The following MAF variants were observed in gnomAD, a reference collection of about 807,000 sequenced individuals.
MAF encodes transcription factor Maf.
MAF carries 10 observed loss-of-function variants against 22.0 expected under a neutral mutation model. The observed-to-expected ratio is 0.45, with a 90% CI of 0.28 to 0.77. MAF has a LOEUF of 0.77. Ranked by LOEUF, MAF falls within the 30% of genes least tolerant of loss-of-function variation. The pLI, the probability that MAF is intolerant of heterozygous loss-of-function variation, is 0.12. For missense variants in MAF, 544 were observed against 548.4 expected, an observed-to-expected ratio of 0.99 and a Z score of 0.08; for synonymous variants, 337 against 255.8, an observed-to-expected ratio of 1.32 and a Z score of -3.03.
At chr16:79,350,606 G>A in the MAF span, among the ~76,000 whole-genome samples, 2 of 152,194 alleles carry the variant, frequency 1.3e-5, no homozygotes, top group Non-Finnish European at 2.9e-5. Flanking sequence ...AAAACCTCCC[G>A]CTGCTTTTCT....
the MAF span, among the ~76,000 whole-genome samples, chr16:79,314,089 C>T: frequency 2.7e-4 from 41 of 152,272 alleles, no homozygotes; most frequent in Admixed American, 1.3e-3. Context: ...ATTCCTAAAA[C>T]GGGGATGCAC....
chr16:79,232,802 C>T, the MAF span, among the ~76,000 whole-genome samples: 1 of 149,906 alleles, frequency 6.7e-6, no homozygotes, highest in Non-Finnish European at 1.5e-5. Context: ...AGTTTAATAA[C>T]AGCTGGAAAA....
the MAF span, among the ~76,000 whole-genome samples, chr16:79,273,472 T>A: frequency 6.6e-6 from 1 of 152,212 alleles, no homozygotes; most frequent in Non-Finnish European, 1.5e-5. Flanking sequence ...ATGTTTCAGT[T>A]CTAGAAGTCA....
chr16:79,600,072 AC>A lies in MAF; in HGVS notation c.-171del, dbSNP rs554070629. On this transcript the variant is annotated 5_prime_UTR_variant, in exon 1 of 2. Coordinates refer to ENST00000326043, the MANE Select transcript of MAF (RefSeq NM_005360.5). ...AACCTCCGAGCGCGCTCACACACAC[AC>A]CCCCCCGCCCTGCCCGCGCCCCCCG... 20 of 746,520 alleles carry A rather than the reference AC, an allele frequency of 2.7e-5. No homozygotes were observed. Among genetic ancestry groups the A allele is most frequent in the East Asian group, 5.8e-5 (2 of 34,230 alleles). 46.2% of individuals were successfully genotyped at this position (746,520 alleles called of 1,614,324 possible). A position where few individuals can be genotyped will look rare whatever the true frequency, so the allele number is the denominator to read the frequency against.
chr16:79,497,944 G>A, the MAF span, among the ~76,000 whole-genome samples: 3 of 152,138 alleles, frequency 2.0e-5, no homozygotes, highest in African/African-American at 7.2e-5. Context: ...AGCTCTCCCA[G>A]TTCTAGAGAC....
the MAF span, among the ~76,000 whole-genome samples, chr16:79,226,525 TA>T: frequency 9.9e-5 from 15 of 152,042 alleles, no homozygotes; most frequent in Admixed American, 5.9e-4. Flanking sequence ...TTAAAGTATA[TA>T]AAAAAATTTA....
the MAF span, among the ~76,000 whole-genome samples, chr16:79,293,537 T>C: frequency 1.3e-5 from 2 of 152,208 alleles, no homozygotes; most frequent in Non-Finnish European, 2.9e-5. Flanking sequence ...GATCAATGTT[T>C]GTCAAATGAG....
At chr16:79,573,541 T>C in the MAF span, among the ~76,000 whole-genome samples, 1 of 152,262 alleles carries the variant, frequency 6.6e-6, no homozygotes, top group Non-Finnish European at 1.5e-5. Context: ...TTAACTGTCT[T>C]AATCAATAAT....
At chr16:79,562,527 A>C in the MAF span, among the ~76,000 whole-genome samples, 140 of 152,202 alleles carry the variant, frequency 9.2e-4, 1 homozygote, top group African/African-American at 3.3e-3. Flanking sequence ...CAGACCACAA[A>C]ACATTTCTTT....
At chr16:79,572,684 T>C in the MAF span, among the ~76,000 whole-genome samples, 1 of 152,182 alleles carries the variant, frequency 6.6e-6, no homozygotes, top group Admixed American at 6.5e-5. Context: ...CAGCCTCCTG[T>C]TTTCACGCCT....
chr16:79,458,658 A>T, the MAF span, among the ~76,000 whole-genome samples: 1 of 152,184 alleles, frequency 6.6e-6, no homozygotes, highest in Non-Finnish European at 1.5e-5. Context: ...CCTTTTACAT[A>T]AAAAAGTGGT....
the MAF span, among the ~76,000 whole-genome samples, chr16:79,427,906 A>G: frequency 6.6e-6 from 1 of 152,042 alleles, no homozygotes; most frequent in Non-Finnish European, 1.5e-5. Flanking sequence ...GGGGATGCTT[A>G]ACAGATACAA....
chr16:79,280,205 G>A, the MAF span, among the ~76,000 whole-genome samples: 1 of 152,188 alleles, frequency 6.6e-6, no homozygotes, highest in Non-Finnish European at 1.5e-5. Flanking sequence ...TTGGTTAACC[G>A]GGCTTGCAGC....
the MAF span, among the ~76,000 whole-genome samples, chr16:79,496,937 T>C: frequency 6.6e-6 from 1 of 152,228 alleles, no homozygotes; most frequent in Non-Finnish European, 1.5e-5. Flanking sequence ...GCAGTGGGCC[T>C]GAGAATATTG....
chr16:79,437,955 G>A, the MAF span, among the ~76,000 whole-genome samples: 1 of 152,204 alleles, frequency 6.6e-6, no homozygotes, highest in Non-Finnish European at 1.5e-5. Flanking sequence ...GCTTCTAGGA[G>A]GCCTGTTTGT....
At chr16:79,383,446 A>G in the MAF span, among the ~76,000 whole-genome samples, 1 of 152,228 alleles carries the variant, frequency 6.6e-6, no homozygotes, top group Non-Finnish European at 1.5e-5. Context: ...AATCTATATG[A>G]TGGTAAACTT....
the MAF span, among the ~76,000 whole-genome samples, chr16:79,390,241 C>G: frequency 6.6e-6 from 1 of 151,930 alleles, no homozygotes; most frequent in Non-Finnish European, 1.5e-5. Context: ...GCTTCTCTCC[C>G]CAGTTACCCC....
the MAF span, among the ~76,000 whole-genome samples, chr16:79,422,895 A>G: frequency 7.2e-5 from 11 of 152,212 alleles, no homozygotes; most frequent in African/African-American, 2.7e-4. Context: ...GGAGAGACAG[A>G]TACTACTCAG....
the MAF span, among the ~76,000 whole-genome samples, chr16:79,343,838 G>A: frequency 6.6e-5 from 10 of 152,206 alleles, no homozygotes; most frequent in Admixed American, 2.6e-4. Context: ...TACCCCCCAC[G>A]GTCCCCTGCA....
Sources: gnomAD v4.1 joint callset for allele counts (sites outside exome capture counted in the v4.1 genomes callset) on GRCh38, gnomAD v4.1.1 for gene constraint, MANE v1.5 for transcripts, NCBI Gene and HGNC (gene_info 2026-07-23, HGNC 2026-07-21) for gene names.